The following CHCHD3 variants were observed in gnomAD, a reference collection of about 807,000 sequenced individuals.
CHCHD3 encodes coiled-coil-helix-coiled-coil-helix domain containing 3, also known as MICOS complex subunit MIC19.
Under a neutral mutation model 38.2 loss-of-function variants are expected in CHCHD3, and 20 were observed. The observed-to-expected ratio is 0.52, with a 90% CI of 0.37 to 0.76. The LOEUF (loss-of-function observed/expected upper bound fraction) is 0.76, where lower values mean the gene tolerates loss of function less well. CHCHD3 is among the 30% of genes least tolerant of loss of function. The probability of loss-of-function intolerance (pLI) is 0.00; values close to 1 mark genes in which losing one functional copy is unlikely to be tolerated. For synonymous variants in CHCHD3, 82 were observed against 100.0 expected, an observed-to-expected ratio of 0.82 and a Z score of 1.07; for missense variants, 245 against 279.2, an observed-to-expected ratio of 0.88 and a Z score of 0.87.
At position 132,999,987 on chromosome 7, in the gene CHCHD3, T is replaced by G. The variant is rs868026315; in HGVS notation, c.251+24559A>C. On this transcript the variant is annotated intron_variant, in intron 3 of 7. Transcript: ENST00000262570. ...CATCAAATATAGTATCATTCCTTTT[T>G]TATATCATGACATTATATAATGCTA... 2.0e-4 allele frequency among the ~76,000 whole-genome samples: 30 copies of G among 152,322 alleles called. 1 individual carries two copies. The highest frequency in any genetic ancestry group is 6.7e-4 in the African/African-American group (28 of 41,584).
chr7:132,818,165 GCAAC>G (rs1293976897), intron 6 of CHCHD3, among the ~76,000 whole-genome samples: 1 of 152,200 alleles, frequency 6.6e-6, no homozygotes, highest in Admixed American at 6.5e-5. Context: ...TCTTCATGTG[GCAAC>G]CTTTTCATAA....
intron 5 of CHCHD3, among the ~76,000 whole-genome samples, chr7:132,866,915 C>T (rs186256381): frequency 5.9e-5 from 9 of 152,260 alleles, no homozygotes; most frequent in African/African-American, 1.9e-4. Context: ...GGCTTCTCCC[C>T]CAGGTAGATG....
intron 4 of CHCHD3, among the ~76,000 whole-genome samples, chr7:132,910,803 A>T (rs1809928194): frequency 6.6e-6 from 1 of 152,198 alleles, no homozygotes; most frequent in Non-Finnish European, 1.5e-5. Context: ...TTGCTCAGCC[A>T]GCACTGTCTT....
At chr7:132,817,663 C>T (rs1807233940) in intron 6 of CHCHD3, among the ~76,000 whole-genome samples, 1 of 152,106 alleles carries the variant, frequency 6.6e-6, no homozygotes, top group African/African-American at 2.4e-5. Flanking sequence ...CTTGGGATAA[C>T]TGAACATGAA....
intron 4 of CHCHD3, among the ~76,000 whole-genome samples, chr7:132,950,076 G>C (rs147926544): frequency 6.8e-4 from 104 of 152,188 alleles, no homozygotes; most frequent in Middle Eastern, 3.4e-3. Flanking sequence ...TATTAAAAAA[G>C]AGCATCCTTA....
intron 3 of CHCHD3, among the ~76,000 whole-genome samples, chr7:133,020,933 C>G (rs967220715): frequency 1.3e-5 from 2 of 148,432 alleles, no homozygotes; most frequent in Non-Finnish European, 3.0e-5. Flanking sequence ...CCAAATAATT[C>G]TTTTTTGGTG....
chr7:133,072,379 G>C (rs1814849219), intron 1 of CHCHD3, among the ~76,000 whole-genome samples: 1 of 152,074 alleles, frequency 6.6e-6, no homozygotes, highest in South Asian at 2.1e-4. Flanking sequence ...CACTAAGCTA[G>C]GCACTTCACT....
At chr7:132,858,969 T>C (rs1380987509) in intron 5 of CHCHD3, among the ~76,000 whole-genome samples, 2 of 152,168 alleles carry the variant, frequency 1.3e-5, no homozygotes, top group East Asian at 3.9e-4. Context: ...TACCAGGTCA[T>C]TTGAGCTTGT....
At chr7:133,079,999 TGAGG>T (rs1584693023) in intron 1 of CHCHD3, among the ~76,000 whole-genome samples, 1 of 152,200 alleles carries the variant, frequency 6.6e-6, no homozygotes, top group Non-Finnish European at 1.5e-5. Flanking sequence ...ATTAGAGATC[TGAGG>T]GATGTACTCA....
At chr7:132,814,285 AC>A (rs1235652978) in intron 6 of CHCHD3, among the ~76,000 whole-genome samples, 1 of 152,192 alleles carries the variant, frequency 6.6e-6, no homozygotes, top group Non-Finnish European at 1.5e-5. Flanking sequence ...GGAGGCCTAG[AC>A]ATGCCGGTGT....
At chr7:133,071,968 A>G (rs1272380072) in intron 1 of CHCHD3, among the ~76,000 whole-genome samples, 1 of 152,192 alleles carries the variant, frequency 6.6e-6, no homozygotes, top group East Asian at 1.9e-4. Flanking sequence ...AAACAGGCAC[A>G]AGAGATCTTA....
At chr7:132,910,029 C>A (rs927149369) in intron 4 of CHCHD3, among the ~76,000 whole-genome samples, 1 of 152,182 alleles carries the variant, frequency 6.6e-6, no homozygotes, top group African/African-American at 2.4e-5. Flanking sequence ...TGAGCAAGTG[C>A]ACTTATAAGC....
In CHCHD3 at chr7:132,889,535, T is replaced by C. The variant is rs572136798; in HGVS notation, c.370-3790A>G. Among the ~76,000 whole-genome samples the C allele has an allele frequency of 1.7e-4, 26 of 152,216 alleles. No homozygotes were observed. The East Asian group carries it at 4.8e-3, about 28-fold the overall frequency. ...CCTTGAAAAAGTTTAAAATAACATG[T>C]CCAAAGCTCAGATGTGTACACTAAA... On this transcript the variant is annotated intron_variant, in intron 4 of 7. Transcript: ENST00000262570.
At chr7:132,893,689 G>A (rs760969531) in intron 4 of CHCHD3, among the ~76,000 whole-genome samples, 2 of 152,298 alleles carry the variant, frequency 1.3e-5, no homozygotes, top group Non-Finnish European at 1.5e-5. Flanking sequence ...TGGATCATGG[G>A]GGCGGTTTCC....
At chr7:132,811,591 T>C (rs1037836308) in intron 6 of CHCHD3, among the ~76,000 whole-genome samples, 4 of 152,206 alleles carry the variant, frequency 2.6e-5, no homozygotes, top group African/African-American at 4.8e-5. Flanking sequence ...TTCATTCAAC[T>C]GTTGGATAGA....
At chr7:133,070,079 G>A in intron 2 of CHCHD3, 63 bp downstream of exon 2, 1 of 1,206,780 alleles carries the variant, frequency 8.3e-7, no homozygotes. Flanking sequence ...CTTGACTATT[G>A]AGTCAACTTT....
At chr7:132,843,032 C>A (rs1807980853) in intron 5 of CHCHD3, among the ~76,000 whole-genome samples, 1 of 152,018 alleles carries the variant, frequency 6.6e-6, no homozygotes, top group African/African-American at 2.4e-5. Flanking sequence ...ACATAGATTT[C>A]TTTCGTTTTT....
intron 5 of CHCHD3, among the ~76,000 whole-genome samples, chr7:132,851,496 G>A (rs1421036488): frequency 6.6e-6 from 1 of 152,194 alleles, no homozygotes; most frequent in Admixed American, 6.5e-5. Flanking sequence ...TGATAAAGCA[G>A]TATCAGTCAT....
intron 3 of CHCHD3, among the ~76,000 whole-genome samples, chr7:133,012,465 T>TA (rs1812901271): frequency 1.3e-5 from 2 of 152,114 alleles, no homozygotes; most frequent in Admixed American, 1.3e-4. Flanking sequence ...GTAAAACCTA[T>TA]AAAACATAAA....
Sources: gnomAD v4.1 joint callset for allele counts (sites outside exome capture counted in the v4.1 genomes callset) on GRCh38, gnomAD v4.1.1 for gene constraint, MANE v1.5 for transcripts, NCBI Gene and HGNC (gene_info 2026-07-23, HGNC 2026-07-21) for gene names.